PADI1: variants seen among roughly 807,000 people sequenced by gnomAD.
The protein encoded by PADI1 is protein-arginine deiminase type-1.
PADI1 carries 65 observed loss-of-function variants against 74.8 expected under a neutral mutation model. That is an observed-to-expected ratio of 0.87 (90% CI 0.71 to 1.07). The LOEUF (loss-of-function observed/expected upper bound fraction) is 1.07. Among genes scored for constraint, PADI1 ranks in the 50% least tolerant of loss-of-function variants. The pLI, the probability that PADI1 is intolerant of heterozygous loss-of-function variation, is 0.00. For missense variants in PADI1, 943 were observed against 854.0 expected, an observed-to-expected ratio of 1.10 and a Z score of -1.30; for synonymous variants, 371 against 336.2, an observed-to-expected ratio of 1.10 and a Z score of -1.13.
At chr1:17,240,512 T>C (rs903256810) in intron 14 of PADI1, 123 bp from the exon 15 acceptor site, 1 of 1,044,082 alleles carries the variant, frequency 9.6e-7, no homozygotes. Flanking sequence ...TGCACAAAGC[T>C]GTTGTGAGGC....
At chr1:17,211,302 C>G (rs1470108972) in intron 1 of PADI1, among the ~76,000 whole-genome samples, 1 of 152,094 alleles carries the variant, frequency 6.6e-6, no homozygotes, top group African/African-American at 2.4e-5. Flanking sequence ...CTCCGCCTCC[C>G]AGGTTGAAGC....
In PADI1 at chr1:17,244,397, T is replaced by TA; in HGVS notation, c.*155dup. 1.4e-6 allele frequency: 1 copy of TA among 706,328 alleles called. No homozygotes were observed. Among genetic ancestry groups the TA allele is most frequent in the Non-Finnish European group, 2.6e-6 (1 of 387,604 alleles). 43.8% of individuals were successfully genotyped at this position (706,328 alleles called of 1,614,324 possible). A position where few individuals can be genotyped will look rare whatever the true frequency, so the allele number is the denominator to read the frequency against. On this transcript the variant is annotated 3_prime_UTR_variant, in exon 16 of 16. Coordinates refer to ENST00000375471, the MANE Select transcript of PADI1 (RefSeq NM_013358.3). ...ATGGGCACCAGGACACAGGGATGGA[T>TA]ACCACCTACCCTCGCCTCTGGAATG...
intron 1 of PADI1, among the ~76,000 whole-genome samples, chr1:17,209,816 C>T (rs576298555): frequency 3.3e-5 from 5 of 152,208 alleles, no homozygotes; most frequent in African/African-American, 7.2e-5. Flanking sequence ...TTTGTACCTG[C>T]GAAGCTGGCA....
At chr1:17,242,509 C>T (rs3003418) in intron 15 of PADI1, among the ~76,000 whole-genome samples, 15 of 152,068 alleles carry the variant, frequency 9.9e-5, no homozygotes, top group Admixed American at 1.3e-4. Context: ...CTGAAGGTGG[C>T]GGGGAGGGCC....
chr1:17,229,770 C>T (rs147012585), intron 8 of PADI1, among the ~76,000 whole-genome samples: 1 of 152,282 alleles, frequency 6.6e-6, no homozygotes, highest in Non-Finnish European at 1.5e-5. Flanking sequence ...GGCTACCTGC[C>T]CCTCACTGCT....
chr1:17,235,969 A>G (rs993347769), intron 11 of PADI1, among the ~76,000 whole-genome samples: 1 of 152,068 alleles, frequency 6.6e-6, no homozygotes, highest in Non-Finnish European at 1.5e-5. Flanking sequence ...TGGACTGAAA[A>G]CCAGGAATGA....
intron 4 of PADI1, 41 bp downstream of exon 4, chr1:17,224,469 G>T (rs771661520): frequency 6.6e-7 from 1 of 1,509,732 alleles, no homozygotes; most frequent in Admixed American, 1.8e-5. Flanking sequence ...GGGGTTGAAA[G>T]GCAAACTTGG....
At chr1:17,238,854 T>C (rs2072713858) in intron 13 of PADI1, 145 bp downstream of exon 13, 1 of 439,596 alleles carries the variant, frequency 2.3e-6, no homozygotes, top group Non-Finnish European at 4.1e-6. Flanking sequence ...GGTCCTCTGA[T>C]GGGTGGGGGA....
At chr1:17,232,702 AC>A (rs1324482002) in intron 10 of PADI1, 116 bp from the exon 11 acceptor site, 1 of 817,510 alleles carries the variant, frequency 1.2e-6, no homozygotes, top group Non-Finnish European at 1.9e-6. Context: ...TTTTTCAGGT[AC>A]TAAGAGCCAT....
intron 1 of PADI1, among the ~76,000 whole-genome samples, chr1:17,208,905 G>A (rs557376901): frequency 9.2e-5 from 14 of 152,292 alleles, no homozygotes; most frequent in Middle Eastern, 3.4e-3. Context: ...GCAGAAGGCC[G>A]GCCTTGTAGG....
At chr1:17,229,759 G>A (rs1569817919) in intron 8 of PADI1, among the ~76,000 whole-genome samples, 1 of 152,102 alleles carries the variant, frequency 6.6e-6, no homozygotes, top group African/African-American at 2.4e-5. Context: ...GGAGTAGATG[G>A]GGCTACCTGC....
At chr1:17,227,934 T>A (rs2072368670) in intron 6 of PADI1, among the ~76,000 whole-genome samples, 1 of 152,254 alleles carries the variant, frequency 6.6e-6, no homozygotes. Context: ...AGGCTTCTTT[T>A]AGTTAGCATA....
At chr1:17,215,250 C>A (rs777442379) in intron 1 of PADI1, among the ~76,000 whole-genome samples, 1 of 152,142 alleles carries the variant, frequency 6.6e-6, no homozygotes, top group African/African-American at 2.4e-5. Flanking sequence ...GAGAGGTGAA[C>A]AGAGGTGTGA....
intron 6 of PADI1, 129 bp from the exon 7 acceptor site, chr1:17,228,496 C>T: frequency 1.2e-6 from 1 of 859,928 alleles, no homozygotes; most frequent in Admixed American, 1.9e-5. Context: ...GGCCATGCAG[C>T]TTGCACGTGG....
intron 1 of PADI1, among the ~76,000 whole-genome samples, chr1:17,220,615 A>G (rs915131191): frequency 1.1e-4 from 17 of 152,060 alleles, no homozygotes; most frequent in African/African-American, 3.6e-4. Context: ...CTGTAAGTGG[A>G]CTTGACCTTG....
chr1:17,229,808 G>T (rs1031572526), intron 8 of PADI1, among the ~76,000 whole-genome samples: 5 of 152,206 alleles, frequency 3.3e-5, no homozygotes, highest in Non-Finnish European at 7.3e-5. Context: ...TCAGCCTCAG[G>T]TCACCTCTGT....
Position 17,240,705 on chromosome 1 carries a change from T to C in PADI1, c.1703T>C (p.Ile568Thr). The change falls in exon 15 of 16, where the codon ATT becomes ACT. Residue 568 changes from isoleucine to threonine, a missense_variant. Ile to Thr is a moderately conservative substitution (Grantham distance 89, BLOSUM62 -1). Transcript: ENST00000375471. ...CTGGCAGAGAGTGACATCGTGGACA[T>C]TCCCCAGCTCTTCTTCCTGAAAAAC... ...LGLAESDIVD[I>T]PQLFFLKNFY... is the part of the protein sequence containing the mutation. 6.2e-7 allele frequency: 1 copy of C among 1,614,092 alleles called. No homozygotes were observed. The highest frequency in any genetic ancestry group is 1.1e-5 in the South Asian group (1 of 91,064).
chr1:17,223,390 C>T (rs1425157025), intron 2 of PADI1: 1 of 545,234 alleles, frequency 1.8e-6, no homozygotes, highest in Non-Finnish European at 3.3e-6. Context: ...CCCCACCCTC[C>T]TTGCTCCTCA....
rs1004581383 is a variant in PADI1, at chr1:17,224,269, G to A, written c.347-98G>A. On this transcript the variant is annotated intron_variant, in intron 3 of 15. Transcript: ENST00000375471. ...CCCAGACAGGGCTTCCAGTCCTCACGGGCTTGGGGAGGGGTCAGAGTTTGC... is the reference window on the plus strand; with the variant it reads ...CCCAGACAGGGCTTCCAGTCCTCACAGGCTTGGGGAGGGGTCAGAGTTTGC... The A allele has an allele frequency of 4.8e-5, 47 of 981,742 alleles. No homozygotes were observed. In the East Asian group the frequency reaches 5.7e-4, roughly 12 times the overall value. 60.8% of individuals were successfully genotyped at this position (981,742 alleles called of 1,614,324 possible).
Sources: allele counts gnomAD v4.1 joint callset (sites outside exome capture counted in the v4.1 genomes callset), GRCh38; gene constraint gnomAD v4.1.1; transcripts MANE v1.5; gene names NCBI Gene and HGNC (gene_info 2026-07-23, HGNC 2026-07-21).